Variants in GPBP1 observed in about 807,000 individuals in gnomAD.
The protein encoded by GPBP1 is GC-rich promoter binding protein 1.
A neutral mutation model predicts 56.5 loss-of-function variants in GPBP1; 13 were observed. That is an observed-to-expected ratio of 0.23 (90% CI 0.15 to 0.37). GPBP1 has a LOEUF of 0.37. Ranked by LOEUF, GPBP1 falls within the 10% of genes least tolerant of loss-of-function variation. The pLI, the probability that GPBP1 is intolerant of heterozygous loss-of-function variation, is 1.00. For missense variants in GPBP1, 477 were observed against 572.3 expected (o/e 0.83, Z 1.70); for synonymous variants, 204 against 188.9 (o/e 1.08, Z -0.66).
intron 6 of GPBP1, among the ~76,000 whole-genome samples, chr5:57,245,013 G>C (rs1741024009): frequency 6.6e-6 from 1 of 152,116 alleles, no homozygotes; most frequent in Admixed American, 6.5e-5. Flanking sequence ...GGGATTACAG[G>C]CTTAAGCCAT....
chr5:57,258,251 C>CAGTCA (rs1274101575), intron 10 of GPBP1, among the ~76,000 whole-genome samples: 1 of 152,198 alleles, frequency 6.6e-6, no homozygotes, highest in East Asian at 1.9e-4. Flanking sequence ...GTAATATAGT[C>CAGTCA]AGTCATGCAT....
At chr5:57,225,508 A>C (rs66475828) in intron 3 of GPBP1, among the ~76,000 whole-genome samples, 1,749 of 123,620 alleles carry the variant, frequency 0.014, 39 homozygotes, top group African/African-American at 0.049. Context: ...AAAAAAAAAA[A>C]AAACAAACTG....
At chr5:57,196,411 T>C (rs1263016860) in intron 2 of GPBP1, among the ~76,000 whole-genome samples, 1 of 152,196 alleles carries the variant, frequency 6.6e-6, no homozygotes, top group African/African-American at 2.4e-5. Context: ...AGAAATTTAA[T>C]CTGGTGGATT....
intron 10 of GPBP1, among the ~76,000 whole-genome samples, chr5:57,260,588 T>G (rs1161469072): frequency 1.3e-5 from 2 of 152,198 alleles, no homozygotes; most frequent in Non-Finnish European, 2.9e-5. Context: ...TGGTGCAGAA[T>G]TTTTTTCTTG....
At chr5:57,223,710 T>C (rs1756052188) in intron 3 of GPBP1, among the ~76,000 whole-genome samples, 1 of 151,454 alleles carries the variant, frequency 6.6e-6, no homozygotes, top group East Asian at 1.9e-4. Flanking sequence ...CGCTTCTGGG[T>C]ATAATTGGTA....
chr5:57,238,561 A>AAAAT (rs941335063), intron 6 of GPBP1, among the ~76,000 whole-genome samples: 12 of 151,314 alleles, frequency 7.9e-5, no homozygotes, highest in South Asian at 4.2e-4. Context: ...TCCGTCTCAA[A>AAAAT]AAATAAATAA....
chr5:57,186,388 TA>T (rs34384211), intron 2 of GPBP1, among the ~76,000 whole-genome samples: 2,635 of 145,568 alleles, frequency 0.018, 72 homozygotes, highest in African/African-American at 0.062. Flanking sequence ...CTTGCCTCTT[TA>T]AAAAAAAAAA....
intron 6 of GPBP1, chr5:57,237,022 G>A: frequency 1.6e-6 from 1 of 640,414 alleles, no homozygotes; most frequent in Non-Finnish European, 2.7e-6. Context: ...TTGAGGGTGG[G>A]GGTGGGGGTG....
intron 10 of GPBP1, among the ~76,000 whole-genome samples, chr5:57,259,941 T>A (rs981257038): frequency 6.6e-6 from 1 of 152,188 alleles, no homozygotes; most frequent in Admixed American, 6.6e-5. Flanking sequence ...TTTGAGTGGA[T>A]CCCTTCCACT....
chr5:57,187,003 AGTGTGTGTGTGTGTGTGTGTGT>A (rs66642664), intron 2 of GPBP1, among the ~76,000 whole-genome samples: 200 of 146,784 alleles, frequency 1.4e-3, no homozygotes, highest in African/African-American at 4.7e-3. Context: ...GACTCAGAGA[AGTGTGTGTGTGTGTGTGTGTGT>A]GTGTGTGTGT....
chr5:57,180,200 C>T (rs1753978594), intron 2 of GPBP1, among the ~76,000 whole-genome samples: 2 of 152,178 alleles, frequency 1.3e-5, no homozygotes, highest in African/African-American at 2.4e-5. Context: ...CTGTGACATC[C>T]GCATCCCGGG....
At chr5:57,217,494 C>T (rs567490789) in intron 3 of GPBP1, among the ~76,000 whole-genome samples, 10 of 151,972 alleles carry the variant, frequency 6.6e-5, no homozygotes, top group Admixed American at 1.3e-4. Context: ...TCGCTTTAAC[C>T]GGGAGGGTGG....
At chr5:57,203,393 T>C (rs1213484075) in intron 2 of GPBP1, among the ~76,000 whole-genome samples, 2 of 152,118 alleles carry the variant, frequency 1.3e-5, no homozygotes, top group Non-Finnish European at 2.9e-5. Context: ...CCTCATACTT[T>C]GGGAGGCCGA....
chr5:57,239,968 A>G (rs1740745719), intron 6 of GPBP1, among the ~76,000 whole-genome samples: 1 of 151,792 alleles, frequency 6.6e-6, no homozygotes. Context: ...CTTCAAATTA[A>G]TTGGAAAGCT....
chr5:57,197,730 G>A lies in GPBP1; in HGVS notation c.-57-16344G>A, dbSNP rs948460294. ...GGCAGGTGTTGTTTTCTTTCTAGAA[G>A]TTGTTCTTTGTCCTTGGTTCTGAAA... On this transcript the variant is annotated intron_variant, in intron 2 of 11. Coordinates refer to ENST00000506184, the MANE Select transcript of GPBP1 (RefSeq NM_022913.4). Among the ~76,000 whole-genome samples the A allele has an allele frequency of 5.3e-5, 8 of 151,872 alleles. No homozygotes were observed. The East Asian group carries it at 1.4e-3, about 26-fold the overall frequency.
In GPBP1 at chr5:57,262,271, T is replaced by TG. The variant is rs546845804; in HGVS notation, c.1264-317dup. On this transcript the variant is annotated intron_variant, in intron 11 of 11. Transcript: ENST00000506184. ...TTTACAAACTATGAACAAAGCAGAT[T>TG]GGGGGGTGTATTAATTTAGGTCAGA... Among the ~76,000 whole-genome samples, 55 of 152,238 alleles carry TG rather than the reference T, an allele frequency of 3.6e-4. No individual in the cohort carries two copies. The South Asian group carries it at 3.9e-3, about 11-fold the overall frequency.
chr5:57,195,709 C>T (rs913518919), intron 2 of GPBP1, among the ~76,000 whole-genome samples: 1 of 152,058 alleles, frequency 6.6e-6, no homozygotes. Flanking sequence ...TATTAAAATA[C>T]GTTTTTCGGC....
intron 3 of GPBP1, among the ~76,000 whole-genome samples, chr5:57,214,442 A>G (rs539908717): frequency 7.0e-4 from 107 of 152,112 alleles, no homozygotes; most frequent in African/African-American, 2.4e-3. Context: ...AAAATTAGCC[A>G]GGCGTGGTGG....
At chr5:57,224,594 C>T (rs1369219514) in intron 3 of GPBP1, among the ~76,000 whole-genome samples, 1 of 151,964 alleles carries the variant, frequency 6.6e-6, no homozygotes, top group Non-Finnish European at 1.5e-5. Context: ...TACAGGTGCG[C>T]ACCACCATGC....
Sources: gnomAD v4.1 joint callset for allele counts (sites outside exome capture counted in the v4.1 genomes callset) on GRCh38, gnomAD v4.1.1 for gene constraint, MANE v1.5 for transcripts, NCBI Gene and HGNC (gene_info 2026-07-23, HGNC 2026-07-21) for gene names.